The following RBFOX1 variants were observed in gnomAD, a reference collection of about 807,000 sequenced individuals.
RBFOX1 encodes RNA binding fox-1 homolog 1, also known as RNA binding protein fox-1 homolog 1.
In RBFOX1, 8 loss-of-function variants were observed where a neutral mutation model predicts 57.7. That is an observed-to-expected ratio of 0.14 (90% CI 0.08 to 0.25). RBFOX1 has a LOEUF of 0.25. Among genes scored for constraint, RBFOX1 ranks in the 10% least tolerant of loss-of-function variants. The pLI, the probability that RBFOX1 is intolerant of heterozygous loss-of-function variation, is 1.00. For missense variants in RBFOX1, 611 were observed against 548.5 expected (o/e 1.11, Z -1.14); for synonymous variants, 326 against 222.4 (o/e 1.47, Z -4.15).
At chr16:7,206,436 T>A (rs1407609628) in intron 4 of RBFOX1, among the ~76,000 whole-genome samples, 1 of 118,492 alleles carries the variant, frequency 8.4e-6, no homozygotes, top group Non-Finnish European at 1.8e-5. Flanking sequence ...TACATATATG[T>A]ATTATATTTC....
chr16:5,948,439 T>A (rs1038748329), intron 4 of RBFOX1, among the ~76,000 whole-genome samples: 1 of 152,184 alleles, frequency 6.6e-6, no homozygotes. Flanking sequence ...AAAATTCATG[T>A]CTACCTGGAA....
At chr16:5,884,947 G>T (rs2057860684) in intron 4 of RBFOX1, among the ~76,000 whole-genome samples, 1 of 152,168 alleles carries the variant, frequency 6.6e-6, no homozygotes, top group Non-Finnish European at 1.5e-5. Context: ...AGCTGGTGGT[G>T]CTGTAGGGAT....
intron 4 of RBFOX1, among the ~76,000 whole-genome samples, chr16:7,377,686 A>G (rs2097709429): frequency 6.6e-6 from 1 of 152,236 alleles, no homozygotes; most frequent in Non-Finnish European, 1.5e-5. Context: ...TTCCACATAT[A>G]TTTGTAGAGA....
chr16:6,476,259 G>A (rs145379277), intron 2 of RBFOX1, among the ~76,000 whole-genome samples: 112 of 152,184 alleles, frequency 7.4e-4, no homozygotes, highest in African/African-American at 2.6e-3. Context: ...TCTTCCAGGG[G>A]TGTGTGTCTA....
At chr16:7,180,793 A>G (rs1204517846) in intron 4 of RBFOX1, among the ~76,000 whole-genome samples, 1 of 151,672 alleles carries the variant, frequency 6.6e-6, no homozygotes, top group African/African-American at 2.4e-5. Flanking sequence ...GGGAAAGTTT[A>G]TTTTAAGCAT....
At chr16:5,984,038 C>A (rs1383491201) in intron 4 of RBFOX1, among the ~76,000 whole-genome samples, 1 of 131,448 alleles carries the variant, frequency 7.6e-6, no homozygotes, top group Admixed American at 7.6e-5. Context: ...CCTTCTTCTT[C>A]CTCCTCTTCT....
chr16:7,227,431 C>T (rs2093208799), intron 4 of RBFOX1, among the ~76,000 whole-genome samples: 1 of 152,104 alleles, frequency 6.6e-6, no homozygotes, highest in Non-Finnish European at 1.5e-5. Flanking sequence ...CATGCTCTGT[C>T]CCCAACCGTA....
intron 3 of RBFOX1, among the ~76,000 whole-genome samples, chr16:7,010,370 T>TAA (rs1347779448): frequency 9.2e-5 from 14 of 152,172 alleles, no homozygotes; most frequent in African/African-American, 3.1e-4. Context: ...TACAGACTCT[T>TAA]ACGCTAGGAC....
At chr16:6,791,525 G>A (rs1429514307) in intron 3 of RBFOX1, among the ~76,000 whole-genome samples, 2 of 152,152 alleles carry the variant, frequency 1.3e-5, no homozygotes, top group African/African-American at 4.8e-5. Flanking sequence ...TCGGGAGGCC[G>A]AGGTGGGTGG....
intron 3 of RBFOX1, among the ~76,000 whole-genome samples, chr16:6,962,870 A>C (rs2083313580): frequency 6.6e-6 from 1 of 151,952 alleles, no homozygotes; most frequent in African/African-American, 2.4e-5. Context: ...GTCTCATGGA[A>C]AAAGGGAAAA....
At chr16:7,638,488 C>G (rs12597286) in intron 11 of RBFOX1, among the ~76,000 whole-genome samples, 1 of 151,920 alleles carries the variant, frequency 6.6e-6, no homozygotes, top group South Asian at 2.1e-4. Flanking sequence ...TCACGGGGAA[C>G]CTCTCAGCAG....
intron 4 of RBFOX1, among the ~76,000 whole-genome samples, chr16:7,112,686 G>GTGTGTGTGTGTGTGTGTA (rs2065053192): frequency 6.7e-6 from 1 of 149,568 alleles, no homozygotes; most frequent in Admixed American, 6.7e-5. Context: ...GTGGGTGTGG[G>GTGTGTGTGTGTGTGTGTA]TGTGTCTCTC....
Position 6,442,906 on chromosome 16 carries a change from G to A in RBFOX1, c.-64+125849G>A, listed in dbSNP as rs543043166. Among the ~76,000 whole-genome samples, 36 of 152,252 alleles carry A rather than the reference G, an allele frequency of 2.4e-4. 1 individual carries two copies. In the South Asian group the frequency reaches 4.4e-3, roughly 18 times the overall value. On this transcript the variant is annotated intron_variant, in intron 2 of 15. Transcript: ENST00000550418. The stretch of plus-strand genomic sequence containing the variant: ...AAAAATGATTGTGTGTTTGCCATGC[G>A]AAAGTAACCGCAATTACTTTTGCAC...
At chr16:7,060,035 C>G (rs2053762237) in intron 4 of RBFOX1, among the ~76,000 whole-genome samples, 1 of 152,132 alleles carries the variant, frequency 6.6e-6, no homozygotes, top group Admixed American at 6.5e-5. Context: ...ATTCTGCAGT[C>G]AGATTCTTTT....
At chr16:5,414,669 A>C (rs1030354224) in intron 1 of RBFOX1, among the ~76,000 whole-genome samples, 26 of 152,146 alleles carry the variant, frequency 1.7e-4, no homozygotes, top group Non-Finnish European at 3.2e-4. Flanking sequence ...TCAATTTTAT[A>C]GTGTCTCCAG....
intron 1 of RBFOX1, among the ~76,000 whole-genome samples, chr16:6,309,026 C>G (rs1320642795): frequency 1.3e-5 from 2 of 152,062 alleles, no homozygotes; most frequent in African/African-American, 4.8e-5. Context: ...TCCTCTCACC[C>G]TATACCCAGG....
chr16:5,612,662 T>TAGAC (rs1005341958), intron 3 of RBFOX1, among the ~76,000 whole-genome samples: 18 of 152,184 alleles, frequency 1.2e-4, no homozygotes, highest in African/African-American at 4.1e-4. Context: ...TAGAGCATTC[T>TAGAC]AGACAGAGGA....
At chr16:6,226,758 A>C (rs1167622120) in intron 1 of RBFOX1, among the ~76,000 whole-genome samples, 1 of 151,984 alleles carries the variant, frequency 6.6e-6, no homozygotes, top group Non-Finnish European at 1.5e-5. Flanking sequence ...TCATCTTTAA[A>C]ATGAAGTTGT....
At chr16:7,117,950 G>T (rs1441179619) in intron 4 of RBFOX1, among the ~76,000 whole-genome samples, 1 of 152,184 alleles carries the variant, frequency 6.6e-6, no homozygotes, top group Non-Finnish European at 1.5e-5. Context: ...GAGGGAGAGA[G>T]ATCCAGCAAG....
Sources: gnomAD v4.1 joint callset for allele counts (sites outside exome capture counted in the v4.1 genomes callset) on GRCh38, gnomAD v4.1.1 for gene constraint, MANE v1.5 for transcripts, NCBI Gene and HGNC (gene_info 2026-07-23, HGNC 2026-07-21) for gene names.